CDAN1: variants seen among roughly 807,000 people sequenced by gnomAD.
The protein encoded by CDAN1 is codanin 1.
A neutral mutation model predicts 139.8 loss-of-function variants in CDAN1; 107 were observed. The ratio of observed to expected loss-of-function variants is 0.77; its 90% CI spans 0.65 to 0.90. The LOEUF (loss-of-function observed/expected upper bound fraction) is 0.90. CDAN1 is among the 40% of genes least tolerant of loss of function. The pLI is 0.00. For synonymous variants in CDAN1, 776 were observed against 660.6 expected, an observed-to-expected ratio of 1.17 and a Z score of -2.68; for missense variants, 1,667 against 1,575.7, an observed-to-expected ratio of 1.06 and a Z score of -0.98.
Position 42,726,360 on chromosome 15 carries a change from G to A in CDAN1, c.3154C>T (p.His1052Tyr). The change falls in exon 24 of 28, where the codon CAT (histidine) becomes TAT (tyrosine). Residue 1052 changes from histidine to tyrosine, a missense_variant. Coordinates refer to ENST00000356231, the MANE Select transcript of CDAN1 (RefSeq NM_138477.4). Reference sequence around the variant, plus strand: ...AGCTGGCCTAGGAGCTGTTCCAGATGCTCTGGGGAGACTCCCTCGTCAGGG... The same window carrying A: ...AGCTGGCCTAGGAGCTGTTCCAGATACTCTGGGGAGACTCCCTCGTCAGGG... ...RDPDEGVSPE[H>Y]LEQLLGQLGQ... 6.3e-7 allele frequency: 1 copy of A among 1,598,230 alleles called. No individual in the cohort carries two copies. Among genetic ancestry groups the A allele is most frequent in the African/African-American group, 1.3e-5 (1 of 74,782 alleles).
Position 42,733,156 on chromosome 15 carries a change from C to T in CDAN1, c.1398G>A (p.Trp466Ter). 6.2e-7 allele frequency: 1 copy of T among 1,614,118 alleles called. No individual in the cohort carries two copies. Among genetic ancestry groups the T allele is most frequent in the Non-Finnish European group, 8.5e-7 (1 of 1,180,006 alleles). Residue 466 changes from tryptophan (W) to a stop codon, truncating the protein, a stop_gained, in exon 9 of 28, where the codon TGG becomes TGA. Coordinates refer to ENST00000356231, the MANE Select transcript of CDAN1 (RefSeq NM_138477.4). LOFTEE classifies it high-confidence loss of function. Reference sequence around the variant, plus strand: ...AGCCAGGCTCCTCATGGTGATCTTCCCACTCTCGCAGCACCTCATAAAACA... The same window carrying T: ...AGCCAGGCTCCTCATGGTGATCTTCTCACTCTCGCAGCACCTCATAAAACA... ...RDVFYEVLRE[W>*]EDHHEEPGWD...
At position 42,735,874 on chromosome 15, in the gene CDAN1, C is replaced by T; in HGVS notation, c.773+1G>A. 1 of 1,614,142 alleles carries T rather than the reference C, an allele frequency of 6.2e-7. No individual in the cohort carries two copies. Among genetic ancestry groups the T allele is most frequent in the Non-Finnish European group, 8.5e-7 (1 of 1,180,006 alleles). Reference sequence around the variant, plus strand: ...TATCCCCAGGAGCGGCCAGGCCATACCGCTCCTTCCTGAGCATCTCTCGCT... The same window carrying T: ...TATCCCCAGGAGCGGCCAGGCCATATCGCTCCTTCCTGAGCATCTCTCGCT... On this transcript the variant is annotated splice_donor_variant, in intron 3 of 27. Coordinates refer to ENST00000356231, the MANE Select transcript of CDAN1 (RefSeq NM_138477.4). LOFTEE classifies it high-confidence loss of function.
At position 42,728,773 on chromosome 15, in the gene CDAN1, ACT is replaced by A. The variant is rs750630547; in HGVS notation, c.2681_2682del (p.Glu894ValfsTer109). The A allele has an allele frequency of 1.8e-5, 29 of 1,613,824 alleles. No individual in the cohort carries two copies. Among genetic ancestry groups the A allele is most frequent in the Non-Finnish European group, 1.9e-5 (22 of 1,179,964 alleles). On this transcript the variant is annotated frameshift_variant, in exon 20 of 28. Transcript: ENST00000356231. LOFTEE classifies it high-confidence loss of function. ...GTCACCAGCTGCTCTTGGAGAAGTG[ACT>A]CTGCCTGGCGCACCAGATCTGCCAC... ...TLVADLVRQA[E>X]SLLQEQLVTQ...
At chr15:42,726,028 C>G (rs545423135) in intron 25 of CDAN1, 69 bp downstream of exon 25, 1 of 753,202 alleles carries the variant, frequency 1.3e-6, no homozygotes, top group African/African-American at 1.9e-5. Context: ...TGTTTCTAAT[C>G]TTGCTTGTAC....
chr15:42,734,994 C>T, intron 6 of CDAN1, 106 bp downstream of exon 6: 1 of 775,714 alleles, frequency 1.3e-6, no homozygotes, highest in Non-Finnish European at 2.3e-6. Flanking sequence ...AGGAGAAGGT[C>T]CAGGACCACT....
intron 26 of CDAN1, 41 bp from the exon 27 acceptor site, chr15:42,725,292 A>T (rs1566978242): frequency 1.1e-5 from 17 of 1,575,476 alleles, no homozygotes; most frequent in Non-Finnish European, 1.5e-5. Context: ...GGAGGACGAC[A>T]GAGTGACCCT....
Position 42,724,355 on chromosome 15 carries a change from C to A in CDAN1, c.*136G>T. On this transcript the variant is annotated 3_prime_UTR_variant, in exon 28 of 28. Transcript: ENST00000356231. Reference sequence around the variant, plus strand: ...GTGGTGGGATGCCAGGCAGTGACACCCTTAGAGCAGGAAGTCTGACTGTAG... The same window carrying A: ...GTGGTGGGATGCCAGGCAGTGACACACTTAGAGCAGGAAGTCTGACTGTAG... 1 of 1,205,810 alleles carries A rather than the reference C, an allele frequency of 8.3e-7. No homozygotes were observed. The highest frequency in any genetic ancestry group is 1.3e-5 in the South Asian group (1 of 76,742). 74.7% of individuals were successfully genotyped at this position (1,205,810 alleles called of 1,614,324 possible). A position where few individuals can be genotyped will look rare whatever the true frequency, so the allele number is the denominator to read the frequency against.
At chr15:42,727,904 A>G (rs2061553164) in intron 22 of CDAN1, 51 bp downstream of exon 22, 1 of 1,602,748 alleles carries the variant, frequency 6.2e-7, no homozygotes, top group African/African-American at 1.3e-5. Context: ...ACTCTCTGCC[A>G]GTCCACTTTT....
intron 5 of CDAN1, 25 bp downstream of exon 5, chr15:42,735,236 C>T (rs1399299022): frequency 2.5e-6 from 4 of 1,603,228 alleles, no homozygotes; most frequent in Non-Finnish European, 3.4e-6. Context: ...GACCCCATGT[C>T]TCAAAAGGAG....
chr15:42,736,288 G>C lies in CDAN1; in HGVS notation c.569+14C>G. 2 of 1,613,400 alleles carry C rather than the reference G, an allele frequency of 1.2e-6. No individual in the cohort carries two copies. The highest frequency in any genetic ancestry group is 1.7e-6 in the Non-Finnish European group (2 of 1,179,944). On this transcript the variant is annotated intron_variant, in intron 2 of 27. Transcript: ENST00000356231. Reference sequence around the variant, plus strand: ...TTCGTGGTACCCATCTCCTGCATGAGAGCTGAGTCTCACCCTGTAGGGCCG... The same window carrying C: ...TTCGTGGTACCCATCTCCTGCATGACAGCTGAGTCTCACCCTGTAGGGCCG...
chr15:42,735,005 G>A, intron 6 of CDAN1, 95 bp downstream of exon 6: 1 of 825,328 alleles, frequency 1.2e-6, no homozygotes, highest in Non-Finnish European at 2.1e-6. Context: ...CAGGACCACT[G>A]CCCCTGTGTT....
In CDAN1 at chr15:42,735,622, C is replaced by T. The variant is rs958509386; in HGVS notation, c.831G>A (p.Ser277=). The change falls in exon 4 of 28, where the codon TCG becomes TCA. Residue 277 remains serine (S), a synonymous_variant. Coordinates refer to ENST00000356231, the MANE Select transcript of CDAN1 (RefSeq NM_138477.4). ...GGCTTCCTGTCCGGCTGGGGAGGGG[C>T]GACCCCAATTCTGGGGTGGGACAGG... ...TPTCPTPELG[S]PLPSRTGSLT... 14 of 1,614,022 alleles carry T rather than the reference C, an allele frequency of 8.7e-6. No individual in the cohort carries two copies. The East Asian group carries it at 2.9e-4, about 33-fold the overall frequency.
chr15:42,731,215 C>T lies in CDAN1; in HGVS notation c.1856G>A (p.Trp619Ter). The T allele has an allele frequency of 1.2e-6, 2 of 1,614,226 alleles. No homozygotes were observed. The highest frequency in any genetic ancestry group is 1.7e-6 in the Non-Finnish European group (2 of 1,180,042). ...TCCCTTGTTCTGTTTTCGGACCTGC[C>T]AGTCTACGTCTGACTCCCCGTCTTC... is the stretch of plus-strand genomic sequence containing the variant. ...NDEDGESDVD[W>*]QGERKQFAVV... Residue 619 changes from tryptophan to a stop codon, truncating the protein, a stop_gained, in exon 12 of 28, where the codon TGG becomes TAG. Transcript: ENST00000356231. LOFTEE classifies it high-confidence loss of function.
In CDAN1 at chr15:42,727,768, T is replaced by C. The variant is rs748767255; in HGVS notation, c.2949A>G (p.Ala983=). 1.9e-6 allele frequency: 3 copies of C among 1,603,004 alleles called. No homozygotes were observed. Among genetic ancestry groups the C allele is most frequent in the Non-Finnish European group, 2.6e-6 (3 of 1,173,834 alleles). ...ACAWLSANIT[A]LIRREVKAAV... ...CTGCTTTCACCTCCCTCCTGATCAG[T>C]GCTGTGGGGCAGAGGGAGAATGGGA... The change falls in exon 23 of 28, where the codon GCA becomes GCG. Residue 983 remains alanine, a splice_region_variant and synonymous_variant. Transcript: ENST00000356231.
At chr15:42,736,935 A>T in intron 1 of CDAN1, 78 bp downstream of exon 1, 1 of 1,485,020 alleles carries the variant, frequency 6.7e-7, no homozygotes, top group Non-Finnish European at 9.0e-7. Flanking sequence ...GGCGCCCTAG[A>T]GGAAGGGGAC....
At chr15:42,725,117 C>A in intron 27 of CDAN1, 27 bp downstream of exon 27, 1 of 1,555,326 alleles carries the variant, frequency 6.4e-7, no homozygotes, top group South Asian at 1.1e-5. Flanking sequence ...TGTTCTCTCT[C>A]CACCTAAAAG....
Position 42,735,378 on chromosome 15 carries a change from G to A in CDAN1, c.944-4C>T, listed in dbSNP as rs2061673676. ...AAGAGGTTTGGTACCAGGTTCTCTA[G>A]ATAGATACAAAAAGAAAGCCCATGG... is the stretch of plus-strand genomic sequence containing the variant. On this transcript the variant is annotated splice_polypyrimidine_tract_variant and splice_region_variant and intron_variant, in intron 4 of 27. Coordinates refer to ENST00000356231, the MANE Select transcript of CDAN1 (RefSeq NM_138477.4). 6.2e-7 allele frequency: 1 copy of A among 1,600,100 alleles called. No homozygotes were observed.
At chr15:42,734,456 C>T in intron 6 of CDAN1, 110 bp from the exon 7 acceptor site, 1 of 1,351,096 alleles carries the variant, frequency 7.4e-7, no homozygotes, top group Non-Finnish European at 1.0e-6. Context: ...GTATGCAAGC[C>T]CAGATATGTA....
At chr15:42,734,156 G>A in intron 7 of CDAN1, 70 bp downstream of exon 7, 8 of 1,611,214 alleles carry the variant, frequency 5.0e-6, no homozygotes, top group Non-Finnish European at 6.8e-6. Context: ...CGTCAGCAGG[G>A]TTGCCTGAAT....
Sources: gnomAD v4.1 joint callset for allele counts on GRCh38, gnomAD v4.1.1 for gene constraint, MANE v1.5 for transcripts, NCBI Gene and HGNC (gene_info 2026-07-23, HGNC 2026-07-21) for gene names.